The following PLBD1 variants were observed in gnomAD, a reference collection of about 807,000 sequenced individuals.
PLBD1 encodes lysosomal leucine aminopeptidase.
A neutral mutation model predicts 63.0 loss-of-function variants in PLBD1; 60 were observed. That is an observed-to-expected ratio of 0.95 (90% CI 0.77 to 1.18). PLBD1 has a LOEUF of 1.18. Ranked by LOEUF, PLBD1 falls within the 50% of genes most tolerant of loss-of-function variation. The probability of loss-of-function intolerance (pLI) is 0.00; values close to 1 mark genes in which losing one functional copy is unlikely to be tolerated. For synonymous variants in PLBD1, 262 were observed against 248.0 expected, an observed-to-expected ratio of 1.06 and a Z score of -0.53; for missense variants, 598 against 677.9, an observed-to-expected ratio of 0.88 and a Z score of 1.31.
At chr12:14,557,414 G>A (rs151262832) in intron 1 of PLBD1, among the ~76,000 whole-genome samples, 1 of 151,976 alleles carries the variant, frequency 6.6e-6, no homozygotes, top group Non-Finnish European at 1.5e-5. Flanking sequence ...TTAACCTAAA[G>A]GCCCATCAGT....
intron 2 of PLBD1, among the ~76,000 whole-genome samples, chr12:14,547,180 T>TGTGTGTGTGTG (rs1945622435): frequency 1.4e-5 from 2 of 138,142 alleles, no homozygotes; most frequent in Non-Finnish European, 3.1e-5. Flanking sequence ...GCACCTGGCT[T>TGTGTGTGTGTG]TGTGTGTGTG....
At chr12:14,517,137 T>C (rs748491636) in intron 6 of PLBD1, among the ~76,000 whole-genome samples, 1 of 152,162 alleles carries the variant, frequency 6.6e-6, no homozygotes, top group Non-Finnish European at 1.5e-5. Context: ...TTCACTGCTC[T>C]TTTAGTTTTT....
intron 6 of PLBD1, among the ~76,000 whole-genome samples, chr12:14,512,968 T>C (rs545644846): frequency 6.6e-6 from 1 of 152,328 alleles, no homozygotes; most frequent in African/African-American, 2.4e-5. Context: ...AACATTTCTA[T>C]AGCTTATAAA....
chr12:14,545,390 A>T (rs1181730265), intron 2 of PLBD1, among the ~76,000 whole-genome samples: 1 of 152,196 alleles, frequency 6.6e-6, no homozygotes, highest in African/African-American at 2.4e-5. Context: ...GCAGATCCAT[A>T]TTTTATCACT....
chr12:14,525,051 T>C (rs1945406266), intron 6 of PLBD1, among the ~76,000 whole-genome samples: 1 of 152,114 alleles, frequency 6.6e-6, no homozygotes, highest in Admixed American at 6.6e-5. Context: ...TCACCTGAGG[T>C]CAGGAGTTGG....
At chr12:14,544,884 T>G (rs1945605271) in intron 2 of PLBD1, among the ~76,000 whole-genome samples, 1 of 152,246 alleles carries the variant, frequency 6.6e-6, no homozygotes, top group Non-Finnish European at 1.5e-5. Flanking sequence ...AAATTTAAAG[T>G]CTTTGTTAAA....
chr12:14,525,624 A>C (rs890454493), intron 6 of PLBD1, among the ~76,000 whole-genome samples: 1 of 152,122 alleles, frequency 6.6e-6, no homozygotes, highest in Non-Finnish European at 1.5e-5. Context: ...AGTCACCAAA[A>C]ATCTAAATGC....
At chr12:14,532,681 G>A (rs1356834033) in intron 6 of PLBD1, among the ~76,000 whole-genome samples, 1 of 152,226 alleles carries the variant, frequency 6.6e-6, no homozygotes, top group Non-Finnish European at 1.5e-5. Flanking sequence ...TGGAGGAGAA[G>A]AGCCCCCAGA....
chr12:14,523,927 G>A (rs888021857), intron 6 of PLBD1, among the ~76,000 whole-genome samples: 2 of 152,044 alleles, frequency 1.3e-5, no homozygotes, highest in African/African-American at 2.4e-5. Context: ...ACAGATGAAT[G>A]GATAAAGAAA....
At chr12:14,542,459 C>T (rs2136925275) in intron 2 of PLBD1, among the ~76,000 whole-genome samples, 168 bp from the exon 3 acceptor site, 1 of 152,128 alleles carries the variant, frequency 6.6e-6, no homozygotes, top group Admixed American at 6.5e-5. Flanking sequence ...GAAATATTTA[C>T]AACATATAGA....
At chr12:14,546,248 G>A (rs566131354) in intron 2 of PLBD1, among the ~76,000 whole-genome samples, 56 of 151,698 alleles carry the variant, frequency 3.7e-4, no homozygotes, top group Admixed American at 7.2e-4. Flanking sequence ...AACCCAGGAG[G>A]CTGAGGTTGT....
At chr12:14,539,386 C>T (rs1271568907) in intron 4 of PLBD1, among the ~76,000 whole-genome samples, 3 of 151,816 alleles carry the variant, frequency 2.0e-5, no homozygotes, top group Non-Finnish European at 4.4e-5. Context: ...AGCTCATTAC[C>T]TGCCTCTCTA....
At chr12:14,505,230 G>A (rs1591992017) in intron 10 of PLBD1, among the ~76,000 whole-genome samples, 1 of 151,722 alleles carries the variant, frequency 6.6e-6, no homozygotes, top group Non-Finnish European at 1.5e-5. Context: ...TCCTGTTTAG[G>A]TATTAGGCTG....
chr12:14,535,815 A>C lies in PLBD1; in HGVS notation c.700-12T>G. 4.3e-6 allele frequency: 7 copies of C among 1,612,842 alleles called. No individual in the cohort carries two copies. The highest frequency in any genetic ancestry group is 4.2e-6 in the Non-Finnish European group (5 of 1,179,466). The stretch of plus-strand genomic sequence containing the variant: ...AATCCAGGAAGAACCTACAGCCAGA[A>C]TCATAGTGGATTACACAGATGTACA... On this transcript the variant is annotated splice_polypyrimidine_tract_variant and intron_variant, in intron 5 of 10. Coordinates refer to ENST00000240617, the MANE Select transcript of PLBD1 (RefSeq NM_024829.6).
At chr12:14,526,959 C>A (rs543392908) in intron 6 of PLBD1, among the ~76,000 whole-genome samples, 1 of 152,092 alleles carries the variant, frequency 6.6e-6, no homozygotes, top group Admixed American at 6.5e-5. Flanking sequence ...GCAACAAGAG[C>A]GAAACTCCAT....
chr12:14,549,056 C>T (rs1257753977), intron 2 of PLBD1, among the ~76,000 whole-genome samples: 1 of 152,142 alleles, frequency 6.6e-6, no homozygotes. Context: ...GGGAACTGTC[C>T]TATAGAGTGA....
intron 2 of PLBD1, among the ~76,000 whole-genome samples, chr12:14,546,486 C>T (rs1945617547): frequency 6.6e-6 from 1 of 152,156 alleles, no homozygotes; most frequent in Admixed American, 6.5e-5. Context: ...CCTAGCTCCA[C>T]CCAGAGTTCC....
intron 1 of PLBD1, among the ~76,000 whole-genome samples, chr12:14,562,178 G>A (rs1236312631): frequency 6.6e-6 from 1 of 152,130 alleles, no homozygotes; most frequent in Non-Finnish European, 1.5e-5. Context: ...CTGTATCATG[G>A]CCAGGTGTGG....
chr12:14,512,431 G>A (rs753790145), intron 6 of PLBD1, among the ~76,000 whole-genome samples: 19 of 151,756 alleles, frequency 1.3e-4, no homozygotes, highest in Non-Finnish European at 2.4e-4. Context: ...TACAGGTGTG[G>A]GCCACCACAC....
Sources: allele counts gnomAD v4.1 joint callset (sites outside exome capture counted in the v4.1 genomes callset), GRCh38; gene constraint gnomAD v4.1.1; transcripts MANE v1.5; gene names NCBI Gene and HGNC (gene_info 2026-07-23, HGNC 2026-07-21).